Variants in TRIM31 observed in about 807,000 individuals in gnomAD.
TRIM31 encodes tripartite motif containing 31.
A neutral mutation model predicts 40.6 loss-of-function variants in TRIM31; 31 were observed. That is an observed-to-expected ratio of 0.76 (90% confidence interval 0.57 to 1.03). TRIM31 has a LOEUF of 1.03. TRIM31 is among the 50% of genes least tolerant of loss of function. The pLI is 0.00. For missense variants in TRIM31, 455 were observed against 497.5 expected, an observed-to-expected ratio of 0.91 and a Z score of 0.81; for synonymous variants, 164 against 193.9, an observed-to-expected ratio of 0.85 and a Z score of 1.28.
intron 4 of TRIM31, among the ~76,000 whole-genome samples, chr6:30,109,394 A>C (rs1239817172): frequency 6.6e-6 from 1 of 152,180 alleles, no homozygotes; most frequent in Non-Finnish European, 1.5e-5. Flanking sequence ...TAAAATAAAT[A>C]AATAGGTTTT....
In TRIM31 at chr6:30,105,181, A is replaced by G. The variant is rs1647141791; in HGVS notation, c.945T>C (p.Asn315=). The G allele has an allele frequency of 3.7e-6, 6 of 1,612,594 alleles. No individual in the cohort carries two copies. Among genetic ancestry groups the G allele is most frequent in the Non-Finnish European group, 4.2e-6 (5 of 1,179,896 alleles). ...ENRFFKSMNK[N]DMKSWGLLQK... is the part of the protein sequence containing the mutation. ...TTTCTCACTTACAGCTCTTCATGTC[A>G]TTTTTATTCATGCTTTTGAAGAATC... Residue 315 remains asparagine (N), a synonymous_variant, in exon 7 of 9, where the codon AAT becomes AAC. Transcript: ENST00000376734.
At chr6:30,112,963 GGAAAA>G in intron 1 of TRIM31, 75 bp from the exon 2 acceptor site, 3 of 591,856 alleles carry the variant, frequency 5.1e-6, no homozygotes, top group Non-Finnish European at 8.1e-6. Flanking sequence ...CAGAGAGAGA[GGAAAA>G]GAAGAGGGAG....
chr6:30,112,660 C>G lies in TRIM31; in HGVS notation c.146G>C (p.Gly49Ala). The G allele has an allele frequency of 6.2e-7, 1 of 1,613,124 alleles. No homozygotes were observed. The highest frequency in any genetic ancestry group is 8.5e-7 in the Non-Finnish European group (1 of 1,180,044). ...CITQIGETSC[G>A]FFKCPLCKTS... Reference sequence around the variant, plus strand: ...TTTGCAGAGGGGACATTTGAAAAATCCACATGATGTTTCCCCAATCTGAGT... The same window carrying G: ...TTTGCAGAGGGGACATTTGAAAAATGCACATGATGTTTCCCCAATCTGAGT... The change falls in exon 2 of 9, where the codon GGA (glycine) becomes GCA (alanine). Residue 49 changes from glycine (G) to alanine (A), a missense_variant. By Grantham distance (60) the Gly-to-Ala change is moderately conservative. Coordinates refer to ENST00000376734, the MANE Select transcript of TRIM31 (RefSeq NM_007028.5).
chr6:30,112,425 AT>A lies in TRIM31; in HGVS notation c.380del (p.Asn127MetfsTer4). 1 of 1,612,966 alleles carries A rather than the reference AT, an allele frequency of 6.2e-7. No individual in the cohort carries two copies. The highest frequency in any genetic ancestry group is 8.5e-7 in the Non-Finnish European group (1 of 1,179,990). ...CRESKDHKSHNVSLIEEAAQN... is the reference protein window; with the variant it reads ...CRESKDHKSHXVSLIEEAAQN... ...GGGCAGCTTCTTCGATCAAGCTGAC[AT>A]TATGGGATTTGTGGTCCTTGGATTC... On this transcript the variant is annotated frameshift_variant, in exon 2 of 9. Transcript: ENST00000376734. LOFTEE classifies it high-confidence loss of function.
intron 6 of TRIM31, 104 bp downstream of exon 6, chr6:30,107,949 A>G (rs1033089655): frequency 6.4e-6 from 5 of 780,248 alleles, no homozygotes; most frequent in African/African-American, 3.4e-5. Flanking sequence ...AGAAGGGCCC[A>G]GGGATTGTTG....
Position 30,103,294 on chromosome 6 carries a change from T to C in TRIM31, c.*242A>G. 2 of 628,508 alleles carry C rather than the reference T, an allele frequency of 3.2e-6. No homozygotes were observed. The highest frequency in any genetic ancestry group is 3.7e-5 in the African/African-American group (2 of 54,408). 38.9% of individuals were successfully genotyped at this position (628,508 alleles called of 1,614,324 possible). A position where few individuals can be genotyped will look rare whatever the true frequency, so the allele number is the denominator to read the frequency against. On this transcript the variant is annotated 3_prime_UTR_variant, in exon 9 of 9. Coordinates refer to ENST00000376734, the MANE Select transcript of TRIM31 (RefSeq NM_007028.5). ...GATAAGAAGTCAAGCGTGGGGCGGG[T>C]GGCTGGAGATTGTCTCTTCCCCTCC...
rs772919845 is a variant in TRIM31, at chr6:30,112,722, G to A, written c.84C>T (p.Thr28=). The A allele has an allele frequency of 6.2e-7, 1 of 1,613,100 alleles. No homozygotes were observed. The highest frequency in any genetic ancestry group is 8.5e-7 in the Non-Finnish European group (1 of 1,180,016). Residue 28 remains threonine, a synonymous_variant, in exon 2 of 9, where the codon ACC becomes ACT. Coordinates refer to ENST00000376734, the MANE Select transcript of TRIM31 (RefSeq NM_007028.5). ...ICLDILQKPV[T]IDCGHNFCLK... is the part of the protein sequence containing the mutation. ...GGCAGAAATTGTGCCCACAGTCGATGGTGACAGGTTTCTGCAGAATGTCCA... is the reference window on the plus strand; with the variant it reads ...GGCAGAAATTGTGCCCACAGTCGATAGTGACAGGTTTCTGCAGAATGTCCA...
Position 30,112,378 on chromosome 6 carries a change from C to T in TRIM31, c.417+11G>A, listed in dbSNP as rs1011446923. 9.4e-6 allele frequency: 15 copies of T among 1,598,766 alleles called. No individual in the cohort carries two copies. The highest frequency in any genetic ancestry group is 1.3e-5 in the Non-Finnish European group (15 of 1,173,488). ...TGATGGGGGAACAGGGAAGAAACCTCAAATGCCTACCTGATAATTCTGGGC... is the reference window on the plus strand; with the variant it reads ...TGATGGGGGAACAGGGAAGAAACCTTAAATGCCTACCTGATAATTCTGGGC... On this transcript the variant is annotated intron_variant, in intron 2 of 8. Coordinates refer to ENST00000376734, the MANE Select transcript of TRIM31 (RefSeq NM_007028.5).
chr6:30,103,309 T>C lies in TRIM31; in HGVS notation c.*227A>G. On this transcript the variant is annotated 3_prime_UTR_variant, in exon 9 of 9. Coordinates refer to ENST00000376734, the MANE Select transcript of TRIM31 (RefSeq NM_007028.5). The stretch of plus-strand genomic sequence containing the variant: ...GTGGGGCGGGTGGCTGGAGATTGTC[T>C]CTTCCCCTCCTTTTGCTCAAGAATT... The C allele has an allele frequency of 2.9e-6, 2 of 682,802 alleles. No homozygotes were observed. Among genetic ancestry groups the C allele is most frequent in the Non-Finnish European group, 4.9e-6 (2 of 406,810 alleles). 42.3% of individuals were successfully genotyped at this position (682,802 alleles called of 1,614,324 possible).
chr6:30,113,053 G>A lies in TRIM31; in HGVS notation c.-84+11C>T. The A allele has an allele frequency of 2.1e-6, 1 of 487,586 alleles. No individual in the cohort carries two copies. The highest frequency in any genetic ancestry group is 3.2e-5 in the East Asian group (1 of 31,060). 30.2% of individuals were successfully genotyped at this position (487,586 alleles called of 1,614,324 possible). On this transcript the variant is annotated intron_variant, in intron 1 of 8. Coordinates refer to ENST00000376734, the MANE Select transcript of TRIM31 (RefSeq NM_007028.5). Reference sequence around the variant, plus strand: ...TATTATAAAGAGAGGAAAACAGATGGGCAGTCCTACCTTGCTACCTCTTGA... The same window carrying A: ...TATTATAAAGAGAGGAAAACAGATGAGCAGTCCTACCTTGCTACCTCTTGA...
intron 3 of TRIM31, among the ~76,000 whole-genome samples, chr6:30,111,030 C>CTTTTTTTTTTTTTTTTTTTTTTTTTTT (rs9278578): frequency 1.6e-4 from 18 of 114,296 alleles, no homozygotes; most frequent in African/African-American, 4.9e-4. Flanking sequence ...TTCCTTCTGT[C>CTTTTTTTTTTTTTTTTTTTTTTTTTTT]TTTTTTTTTT....
At chr6:30,108,260 T>A in intron 5 of TRIM31, 92 bp from the exon 6 acceptor site, 4 of 877,986 alleles carry the variant, frequency 4.6e-6, no homozygotes, top group Non-Finnish European at 7.6e-6. Flanking sequence ...AATGAGGGGA[T>A]GAAGACCTGG....
Position 30,112,562 on chromosome 6 carries a change from G to A in TRIM31, c.244C>T (p.Gln82Ter), listed in dbSNP as rs778273573. ...RNLVEKIQAL[Q>*]ASEVQSKRKE... ...CTTTTGGACTGCACCTCAGAGGCTTGTAGAGCTTGGATTTTCTCCACCAGA... is the reference window on the plus strand; with the variant it reads ...CTTTTGGACTGCACCTCAGAGGCTTATAGAGCTTGGATTTTCTCCACCAGA... Residue 82 changes from glutamine to a stop codon, truncating the protein, a stop_gained, in exon 2 of 9, where the codon CAA becomes TAA. Transcript: ENST00000376734. LOFTEE classifies it high-confidence loss of function. 3.1e-6 allele frequency: 5 copies of A among 1,613,066 alleles called. No individual in the cohort carries two copies. The highest frequency in any genetic ancestry group is 1.7e-4 in the Middle Eastern group (1 of 6,060).
intron 3 of TRIM31, 53 bp downstream of exon 3, chr6:30,111,595 C>A (rs1487377434): frequency 2.5e-6 from 4 of 1,568,994 alleles, no homozygotes; most frequent in Non-Finnish European, 3.5e-6. Flanking sequence ...ATTCCAGGAG[C>A]TTTGGCAGAG....
Position 30,112,405 on chromosome 6 carries a change from G to A in TRIM31, c.401C>T (p.Ala134Val). ...KSHNVSLIEE[A>V]AQNYQGQIQE... is the part of the protein sequence containing the mutation. ...AATGCCTACCTGATAATTCTGGGCA[G>A]CTTCTTCGATCAAGCTGACATTATG... Residue 134 changes from alanine to valine, a missense_variant, in exon 2 of 9, where the codon GCT (alanine) becomes GTT (valine). Physicochemically the swap from Ala to Val is moderately conservative, Grantham distance 64. Coordinates refer to ENST00000376734, the MANE Select transcript of TRIM31 (RefSeq NM_007028.5). The A allele has an allele frequency of 6.2e-7, 1 of 1,611,502 alleles. No homozygotes were observed. Among genetic ancestry groups the A allele is most frequent in the Non-Finnish European group, 8.5e-7 (1 of 1,179,254 alleles).
At chr6:30,108,923 TG>T in intron 5 of TRIM31, 102 bp downstream of exon 5, 1 of 1,208,008 alleles carries the variant, frequency 8.3e-7, no homozygotes, top group East Asian at 2.3e-5. Context: ...TAGAGGTGGG[TG>T]GGTATTTCTG....
intron 5 of TRIM31, 111 bp downstream of exon 5, chr6:30,108,915 G>C: frequency 8.8e-7 from 1 of 1,135,496 alleles, no homozygotes; most frequent in Middle Eastern, 1.9e-4. Flanking sequence ...TGCAGAGTTA[G>C]AGGTGGGTGG....
intron 6 of TRIM31, among the ~76,000 whole-genome samples, chr6:30,105,836 C>T (rs928610399): frequency 1.3e-5 from 2 of 152,210 alleles, no homozygotes; most frequent in African/African-American, 4.8e-5. Context: ...TGAGGCTTCA[C>T]CCTTTAGCTT....
intron 3 of TRIM31, 141 bp downstream of exon 3, chr6:30,111,507 T>G: frequency 1.3e-6 from 1 of 785,690 alleles, no homozygotes; most frequent in East Asian, 2.5e-5. Flanking sequence ...TGATGCCGCC[T>G]GGCCGGTCAG....
Sources: allele counts gnomAD v4.1 joint callset (sites outside exome capture counted in the v4.1 genomes callset), GRCh38; gene constraint gnomAD v4.1.1; transcripts MANE v1.5; gene names NCBI Gene and HGNC (gene_info 2026-07-23, HGNC 2026-07-21).